Variants in MINDY1 observed in about 807,000 individuals in gnomAD.
MINDY1 encodes ubiquitin carboxyl-terminal hydrolase MINDY-1.
A neutral mutation model predicts 53.6 loss-of-function variants in MINDY1; 50 were observed. The ratio of observed to expected loss-of-function variants is 0.93; its 90% confidence interval spans 0.74 to 1.18. The LOEUF is 1.18. Ranked by LOEUF, MINDY1 falls within the 50% of genes most tolerant of loss-of-function variation. The pLI, the probability that MINDY1 is intolerant of heterozygous loss-of-function variation, is 0.00. For missense variants in MINDY1, 484 were observed against 578.6 expected (o/e 0.84, Z 1.68); for synonymous variants, 231 against 234.7 (o/e 0.98, Z 0.14).
In MINDY1 at chr1:150,997,784, G is replaced by A. The variant is rs753305080; in HGVS notation, c.1174-5C>T. ...GGACAGAGCAATCAGGTAGTCCTGG[G>A]GAGAACAAGAGTTGTGCAGTGGGCT... is the stretch of plus-strand genomic sequence containing the variant. On this transcript the variant is annotated splice_polypyrimidine_tract_variant and splice_region_variant and intron_variant, in intron 8 of 9. Transcript: ENST00000683666. 10 of 1,609,888 alleles carry A rather than the reference G, an allele frequency of 6.2e-6. No individual in the cohort carries two copies. The highest frequency in any genetic ancestry group is 8.5e-6 in the Non-Finnish European group (10 of 1,177,316).
chr1:151,002,662 C>G lies in MINDY1; in HGVS notation c.-45G>C. 1 of 1,613,696 alleles carries G rather than the reference C, an allele frequency of 6.2e-7. No individual in the cohort carries two copies. The highest frequency in any genetic ancestry group is 8.5e-7 in the Non-Finnish European group (1 of 1,179,728). On this transcript the variant is annotated 5_prime_UTR_variant, in exon 2 of 10. Coordinates refer to ENST00000683666, the MANE Select transcript of MINDY1 (RefSeq NM_001376665.1). This position sits in a 1 kb window ranked among gnomAD's most constrained non-coding sequence, Gnocchi z 4.1. Reference sequence around the variant, plus strand: ...GAGGGGCACTGAAGGTGTTTACTAACCTCAGGGACTTGCCTAAGCCAGGCT... The same window carrying G: ...GAGGGGCACTGAAGGTGTTTACTAAGCTCAGGGACTTGCCTAAGCCAGGCT...
intron 8 of MINDY1, 97 bp from the exon 9 acceptor site, chr1:150,997,876 C>A: frequency 7.5e-7 from 1 of 1,340,758 alleles, no homozygotes; most frequent in Non-Finnish European, 1.0e-6. Flanking sequence ...CTCAAATTCT[C>A]TAGCTCTTTC....
At chr1:151,005,226 C>A (rs751665154) in intron 1 of MINDY1, among the ~76,000 whole-genome samples, 5 of 151,864 alleles carry the variant, frequency 3.3e-5, no homozygotes, top group Non-Finnish European at 5.9e-5. Flanking sequence ...CCGAGGCGGG[C>A]GGATCACCTG....
At chr1:150,997,504 C>T in intron 9 of MINDY1, 120 bp downstream of exon 9, 1 of 1,565,594 alleles carries the variant, frequency 6.4e-7, no homozygotes, top group African/African-American at 1.4e-5. Context: ...GAGGGACAGG[C>T]AGGGGAAGGA....
intron 3 of MINDY1, 88 bp downstream of exon 3, chr1:151,001,637 T>G: frequency 2.2e-4 from 324 of 1,460,196 alleles, no homozygotes; most frequent in Non-Finnish European, 2.8e-4. Context: ...AACCCCCAAA[T>G]GGAGATCCCT....
intron 3 of MINDY1, 107 bp downstream of exon 3, chr1:151,001,618 C>T: frequency 7.3e-7 from 1 of 1,372,014 alleles, no homozygotes; most frequent in East Asian, 2.3e-5. Context: ...ACCCTCCCTG[C>T]TGTATCAGAA....
In MINDY1 at chr1:151,006,728, C is replaced by T; in HGVS notation, c.-506G>A. The T allele has an allele frequency of 1.0e-6, 1 of 985,634 alleles. No homozygotes were observed. Among genetic ancestry groups the T allele is most frequent in the Non-Finnish European group, 1.2e-6 (1 of 830,086 alleles). The allele number at this position is 985,634 out of a possible 1,614,324, so 61.1% of individuals were successfully genotyped here. A position where few individuals can be genotyped will look rare whatever the true frequency, so the allele number is the denominator to read the frequency against. ...CGAAGAAAAATTAGGCAAGGACAAGCTCCCTGGAGGAGGAGGGGCCTGCCC... is the reference window on the plus strand; with the variant it reads ...CGAAGAAAAATTAGGCAAGGACAAGTTCCCTGGAGGAGGAGGGGCCTGCCC... On this transcript the variant is annotated 5_prime_UTR_variant, in exon 1 of 10. Transcript: ENST00000683666.
upstream of MINDY1, among the ~76,000 whole-genome samples, chr1:151,007,193 A>T (rs1191225610): frequency 6.6e-6 from 1 of 152,196 alleles, no homozygotes; most frequent in African/African-American, 2.4e-5. Context: ...TGCACCTGGT[A>T]GAGTGCAGAG....
At position 150,998,768 on chromosome 1, in the gene MINDY1, A is replaced by T. The variant is rs111584878; in HGVS notation, c.982-495T>A. On this transcript the variant is annotated intron_variant, in intron 7 of 9. Coordinates refer to ENST00000683666, the MANE Select transcript of MINDY1 (RefSeq NM_001376665.1). ...GGTGGTCATTCTGGCTAAGCGTGGC[A>T]TGGAGTCGTTGGGGCTGAGATGCCA... 8.7e-3 allele frequency among the ~76,000 whole-genome samples: 1,321 copies of T among 152,222 alleles called. 7 individuals are homozygous for T. Among genetic ancestry groups the T allele is most frequent in the Non-Finnish European group, 0.012 (843 of 67,982 alleles).
chr1:151,001,404 A>T (rs767028741), intron 3 of MINDY1, 90 bp from the exon 4 acceptor site: 155 of 1,390,814 alleles, frequency 1.1e-4, no homozygotes, highest in Non-Finnish European at 1.4e-4. Context: ...GTAATGTCAC[A>T]GAACACAGAT....
chr1:150,997,365 C>T lies in MINDY1; in HGVS notation c.1332G>A (p.Gly444=). ...CTGGGCGTCCAGATGTGGCTCCTCT[C>T]CCCTGTATCGGATTTAACAATTGGT... ...RMRTRVLSLQ[G]RGATSGRPAG... is the part of the protein sequence containing the mutation. Residue 444 remains glycine (G), a splice_region_variant and synonymous_variant, in exon 10 of 10, where the codon GGG becomes GGA. Coordinates refer to ENST00000683666, the MANE Select transcript of MINDY1 (RefSeq NM_001376665.1). 1 of 1,598,650 alleles carries T rather than the reference C, an allele frequency of 6.3e-7. No individual in the cohort carries two copies. Among genetic ancestry groups the T allele is most frequent in the South Asian group, 1.1e-5 (1 of 88,690 alleles).
chr1:151,006,888 C>A lies in MINDY1; in HGVS notation c.-666G>T. ...CTGCCTGCCTCTAGAAGGGACGGAG[C>A]GCTTGTGCCTCTCTGGTGAGAATAG... is the stretch of plus-strand genomic sequence containing the variant. On this transcript the variant is annotated 5_prime_UTR_variant, in exon 1 of 10. Coordinates refer to ENST00000683666, the MANE Select transcript of MINDY1 (RefSeq NM_001376665.1). The A allele has an allele frequency of 1.0e-6, 1 of 985,348 alleles. No homozygotes were observed. The highest frequency in any genetic ancestry group is 1.2e-6 in the Non-Finnish European group (1 of 829,932). The allele number at this position is 985,348 out of a possible 1,614,324, so 61.0% of individuals were successfully genotyped here. A position where few individuals can be genotyped will look rare whatever the true frequency, so the allele number is the denominator to read the frequency against.
chr1:151,002,450 A>G lies in MINDY1; in HGVS notation c.168T>C (p.Ala56=). Residue 56 remains alanine (A), a synonymous_variant, in exon 2 of 10, where the codon GCT becomes GCC. Coordinates refer to ENST00000683666, the MANE Select transcript of MINDY1 (RefSeq NM_001376665.1). This position sits in a 1 kb window ranked among gnomAD's most constrained non-coding sequence, Gnocchi z 4.1. ...EAREREPADQ[A]LLPSQCGDNL... Reference sequence around the variant, plus strand: ...TGTCCCCACACTGGCTAGGCAGCAAAGCTTGGTCTGCTGGCTCCCGTTCTC... The same window carrying G: ...TGTCCCCACACTGGCTAGGCAGCAAGGCTTGGTCTGCTGGCTCCCGTTCTC... 1 of 1,614,168 alleles carries G rather than the reference A, an allele frequency of 6.2e-7. No individual in the cohort carries two copies. The highest frequency in any genetic ancestry group is 8.5e-7 in the Non-Finnish European group (1 of 1,180,020).
upstream of MINDY1, chr1:151,008,230 G>T: frequency 8.8e-7 from 1 of 1,135,514 alleles, no homozygotes; most frequent in South Asian, 2.1e-5. Flanking sequence ...CACAATAATG[G>T]GTTACTGTGA....
At position 151,002,203 on chromosome 1, in the gene MINDY1, G is replaced by A; in HGVS notation, c.415C>T (p.Leu139Phe). ...ITQSTNGPCPLLAIMNILFLQ... is the reference protein window; with the variant it reads ...ITQSTNGPCPFLAIMNILFLQ... ...AAGAGGATGTTCATGATGGCAAGGA[G>A]AGGGCAAGGGCCGTTAGTGCTCTGG... Residue 139 changes from leucine (L) to phenylalanine (F), a missense_variant, in exon 2 of 10, where the codon CTC (leucine) becomes TTC (phenylalanine). Physicochemically the swap from Leu to Phe is conservative, Grantham distance 22. Coordinates refer to ENST00000683666, the MANE Select transcript of MINDY1 (RefSeq NM_001376665.1). This position sits in a 1 kb window ranked among gnomAD's most constrained non-coding sequence, Gnocchi z 4.1. 10 of 1,613,072 alleles carry A rather than the reference G, an allele frequency of 6.2e-6. No individual in the cohort carries two copies. The highest frequency in any genetic ancestry group is 8.5e-6 in the Non-Finnish European group (10 of 1,179,430).
In MINDY1 at chr1:150,999,258, G is replaced by C. The variant is rs1672245570; in HGVS notation, c.981+111C>G. On this transcript the variant is annotated intron_variant, in intron 7 of 9. Transcript: ENST00000683666. This position sits in a 1 kb window ranked among gnomAD's most constrained non-coding sequence, Gnocchi z 4.4. ...TTGTTGTGGTAAACCACAGGGATTTGAGGGGTCACTTGCTACCACGGCTTA... is the reference window on the plus strand; with the variant it reads ...TTGTTGTGGTAAACCACAGGGATTTCAGGGGTCACTTGCTACCACGGCTTA... The C allele has an allele frequency of 6.9e-7, 1 of 1,450,996 alleles. No homozygotes were observed. Among genetic ancestry groups the C allele is most frequent in the African/African-American group, 1.4e-5 (1 of 71,188 alleles). 89.9% of individuals were successfully genotyped at this position (1,450,996 alleles called of 1,614,324 possible).
rs587607974 is a variant in MINDY1 at position 150,999,477 on chromosome 1, C to T, written c.873G>A (p.Ala291=). The T allele has an allele frequency of 3.0e-5, 49 of 1,614,128 alleles. No individual in the cohort carries two copies. The highest frequency in any genetic ancestry group is 1.8e-4 in the South Asian group (16 of 91,084). ...ACAGTCCGTGGTAGGTCAGCTGGGCCGCGGTGGTCTCCAGGAACTGCTCTG... is the reference window on the plus strand; with the variant it reads ...ACAGTCCGTGGTAGGTCAGCTGGGCTGCGGTGGTCTCCAGGAACTGCTCTG... ...LIAEQFLETT[A]AQLTYHGLCE... is the part of the protein sequence containing the mutation. Residue 291 remains alanine (A), a synonymous_variant, in exon 7 of 10, where the codon GCG becomes GCA. Transcript: ENST00000683666. The surrounding 1 kb of genome is among the most constrained non-coding windows in gnomAD (Gnocchi z 4.4).
At position 150,997,343 on chromosome 1, in the gene MINDY1, G is replaced by C. The variant is rs866033020; in HGVS notation, c.1354C>G (p.Pro452Ala). 1 of 1,602,340 alleles carries C rather than the reference G, an allele frequency of 6.2e-7. No homozygotes were observed. Among genetic ancestry groups the C allele is most frequent in the South Asian group, 1.1e-5 (1 of 89,108 alleles). ...GGCCTCTGCCGACGCTCCCCGGCTG[G>C]GCGTCCAGATGTGGCTCCTCTCCCC... is the stretch of plus-strand genomic sequence containing the variant. Reference protein sequence around the residue: ...LQGRGATSGRPAGERRQRPKH... With the variant: ...LQGRGATSGRAAGERRQRPKH... The change falls in exon 10 of 10, where the codon CCA becomes GCA. Residue 452 changes from proline (P) to alanine (A), a missense_variant. Pro to Ala is a conservative substitution (Grantham distance 27, BLOSUM62 -1). Coordinates refer to ENST00000683666, the MANE Select transcript of MINDY1 (RefSeq NM_001376665.1).
chr1:151,005,316 G>A (rs1259407753), intron 1 of MINDY1, among the ~76,000 whole-genome samples: 1 of 152,034 alleles, frequency 6.6e-6, no homozygotes, highest in African/African-American at 2.4e-5. Flanking sequence ...GCCGGGCACG[G>A]TGGCGGGCAC....
Sources: gnomAD v4.1 joint callset for allele counts (sites outside exome capture counted in the v4.1 genomes callset) on GRCh38, gnomAD v4.1.1 for gene constraint, Gnocchi (gnomAD v3.1) non-coding constraint, MANE v1.5 for transcripts, NCBI Gene and HGNC (gene_info 2026-07-23, HGNC 2026-07-21) for gene names.